Variants in INO80 observed in about 807,000 individuals in gnomAD.
The protein encoded by INO80 is INO80 complex ATPase subunit.
In INO80, 20 loss-of-function variants were observed where a neutral mutation model predicts 203.4. That is an observed-to-expected ratio of 0.10 (90% CI 0.07 to 0.14). INO80 has a LOEUF of 0.14. INO80 is among the 10% of genes least tolerant of loss of function. The probability of loss-of-function intolerance (pLI) is 1.00; values close to 1 mark genes in which losing one functional copy is unlikely to be tolerated. For synonymous variants in INO80, 726 were observed against 685.2 expected (o/e 1.06, Z -0.93); for missense variants, 1,419 against 1,914.4 (o/e 0.74, Z 4.83).
chr15:41,054,046 T>C (rs1316007783), intron 18 of INO80, 32 bp from the exon 19 acceptor site: 2 of 1,544,636 alleles, frequency 1.3e-6, no homozygotes, highest in Middle Eastern at 1.7e-4. Flanking sequence ...AAATAATACA[T>C]TATAGTGATT....
chr15:41,018,668 G>A (rs1228686488), intron 26 of INO80: 1 of 152,258 alleles, frequency 6.6e-6, no homozygotes, highest in Admixed American at 6.5e-5. Flanking sequence ...TTTGTCCTTA[G>A]TAAGATATGC....
chr15:41,074,808 G>A (rs1204291676), intron 9 of INO80, among the ~76,000 whole-genome samples: 3 of 152,096 alleles, frequency 2.0e-5, no homozygotes, highest in Admixed American at 6.6e-5. Context: ...ATAGTGGCAC[G>A]ATCTCGGCTC....
chr15:41,042,797 G>A (rs2044691963), intron 24 of INO80, among the ~76,000 whole-genome samples: 1 of 152,132 alleles, frequency 6.6e-6, no homozygotes, highest in Non-Finnish European at 1.5e-5. Context: ...TTAATTATGA[G>A]AACCATAAGC....
At chr15:41,109,575 T>A (rs544128534) in intron 1 of INO80, among the ~76,000 whole-genome samples, 3 of 152,134 alleles carry the variant, frequency 2.0e-5, no homozygotes, top group South Asian at 4.1e-4. Flanking sequence ...GGCGGGTGGA[T>A]CACCTGAGGT....
At chr15:41,110,982 G>A (rs1020556203) in intron 1 of INO80, among the ~76,000 whole-genome samples, 7 of 152,100 alleles carry the variant, frequency 4.6e-5, no homozygotes, top group African/African-American at 1.7e-4. Flanking sequence ...GTGTTTATTT[G>A]CCTCTTAAAG....
intron 24 of INO80, among the ~76,000 whole-genome samples, chr15:41,039,040 A>T (rs989889806): frequency 1.3e-5 from 2 of 152,220 alleles, no homozygotes; most frequent in African/African-American, 4.8e-5. Context: ...AAGACTTTCC[A>T]AACTTACCCT....
intron 29 of INO80, among the ~76,000 whole-genome samples, chr15:40,996,483 G>A (rs116970204): frequency 0.013 from 2,038 of 151,350 alleles, 27 homozygotes; most frequent in Non-Finnish European, 0.022. Flanking sequence ...CACCACGCCC[G>A]GCTATTTTTT....
intron 19 of INO80, among the ~76,000 whole-genome samples, chr15:41,051,147 A>AGTTCTCCC (rs1362178532): frequency 6.7e-6 from 1 of 149,988 alleles, no homozygotes; most frequent in Non-Finnish European, 1.5e-5. Flanking sequence ...AAAAAAAGAA[A>AGTTCTCCC]GTTCTCCCAT....
chr15:41,047,498 A>C lies in INO80; in HGVS notation c.2645T>G (p.Ile882Ser). 6.3e-7 allele frequency: 1 copy of C among 1,597,082 alleles called. No homozygotes were observed. The highest frequency in any genetic ancestry group is 8.6e-7 in the Non-Finnish European group (1 of 1,167,224). Reference sequence around the variant, plus strand: ...GAAAGAGAAACAGCTTTCTTCATTAATACCTGAAATATAAAAGACAATTTG... The same window carrying C: ...GAAAGAGAAACAGCTTTCTTCATTACTACCTGAAATATAAAAGACAATTTG... ...IQRSLFHRKG[I>S]NEESCFSFLR... Residue 882 changes from isoleucine (I) to serine (S), a missense_variant, in exon 23 of 36, where the codon ATT becomes AGT. Transcript: ENST00000648947.
intron 29 of INO80, among the ~76,000 whole-genome samples, chr15:40,991,448 A>C (rs2043815784): frequency 6.6e-6 from 1 of 152,108 alleles, no homozygotes; most frequent in African/African-American, 2.4e-5. Flanking sequence ...GAGACAATGC[A>C]CCACTGTGGA....
intron 14 of INO80, among the ~76,000 whole-genome samples, chr15:41,065,061 T>C (rs565615705): frequency 3.6e-4 from 55 of 152,284 alleles, no homozygotes; most frequent in African/African-American, 1.2e-3. Context: ...ACTTTCAACT[T>C]TGTATGTCAC....
At chr15:41,099,333 T>C (rs992022505) in intron 1 of INO80, among the ~76,000 whole-genome samples, 1 of 110,316 alleles carries the variant, frequency 9.1e-6, no homozygotes, top group Admixed American at 9.7e-5. Flanking sequence ...AAAAAAAAAA[T>C]GTTCCAAACT....
At chr15:41,105,734 T>G (rs1215328651) in intron 1 of INO80, among the ~76,000 whole-genome samples, 4 of 152,184 alleles carry the variant, frequency 2.6e-5, no homozygotes, top group African/African-American at 9.7e-5. Context: ...CTGCTTTAAT[T>G]TTGCTACTCA....
chr15:41,104,447 A>T (rs2045853360), intron 1 of INO80, among the ~76,000 whole-genome samples: 1 of 152,076 alleles, frequency 6.6e-6, no homozygotes, highest in Admixed American at 6.6e-5. Flanking sequence ...TCAGAATCAT[A>T]CCCACATATA....
chr15:41,078,959 A>G (rs145467327), intron 9 of INO80, among the ~76,000 whole-genome samples: 7 of 152,170 alleles, frequency 4.6e-5, no homozygotes, highest in Middle Eastern at 3.4e-3. Context: ...TGGCCAACAT[A>G]GTGAAACCCT....
At chr15:41,055,075 T>C (rs2044958553) in intron 18 of INO80, among the ~76,000 whole-genome samples, 172 bp downstream of exon 18, 2 of 152,228 alleles carry the variant, frequency 1.3e-5, no homozygotes, top group Non-Finnish European at 2.9e-5. Flanking sequence ...TTTTTGACTG[T>C]TAAATATGTA....
In INO80 at chr15:41,074,572, AGGG is replaced by A; in HGVS notation, c.1132-10_1132-8del. On this transcript the variant is annotated splice_region_variant and splice_polypyrimidine_tract_variant and intron_variant, in intron 9 of 35. Transcript: ENST00000648947. ...TTCGCTGTTGCCTCTTGGCCTAAAGAGGGAAAAAAGTGAAAACAGAGCCAAATT... is the reference window on the plus strand; with the variant it reads ...TTCGCTGTTGCCTCTTGGCCTAAAGAAAAAAAGTGAAAACAGAGCCAAATT... The A allele has an allele frequency of 6.3e-7, 1 of 1,588,326 alleles. No individual in the cohort carries two copies. The highest frequency in any genetic ancestry group is 8.6e-7 in the Non-Finnish European group (1 of 1,166,702).
intron 23 of INO80, among the ~76,000 whole-genome samples, chr15:41,046,399 G>C (rs1023784767): frequency 1.3e-5 from 2 of 150,002 alleles, no homozygotes; most frequent in Non-Finnish European, 1.5e-5. Flanking sequence ...GCTAATTTTT[G>C]TGTTTTTATT....
intron 1 of INO80, among the ~76,000 whole-genome samples, chr15:41,106,562 A>C (rs1403596816): frequency 6.6e-6 from 1 of 151,732 alleles, no homozygotes; most frequent in East Asian, 1.9e-4. Context: ...TTGAGTCTGG[A>C]AGGTCATGGC....
Sources: gnomAD v4.1 joint callset for allele counts (sites outside exome capture counted in the v4.1 genomes callset) on GRCh38, gnomAD v4.1.1 for gene constraint, MANE v1.5 for transcripts, NCBI Gene and HGNC (gene_info 2026-07-23, HGNC 2026-07-21) for gene names.